Variants in ZNF496 observed in about 807,000 individuals in gnomAD.
ZNF496 encodes the protein zinc finger protein 496, also known as NSD1 (nuclear receptor binding SET-domain containing 1)-interacting zinc finger protein 1.
ZNF496 carries 11 observed loss-of-function variants against 58.9 expected under a neutral mutation model. The ratio of observed to expected loss-of-function variants is 0.19; its 90% CI spans 0.12 to 0.31. The LOEUF (loss-of-function observed/expected upper bound fraction) is 0.31, where lower values mean the gene tolerates loss of function less well. Ranked by LOEUF, ZNF496 falls within the 10% of genes least tolerant of loss-of-function variation. The pLI, the probability that ZNF496 is intolerant of heterozygous loss-of-function variation, is 1.00. For missense variants in ZNF496, 660 were observed against 783.0 expected, an observed-to-expected ratio of 0.84 and a Z score of 1.88; for synonymous variants, 338 against 318.2, an observed-to-expected ratio of 1.06 and a Z score of -0.66.
At chr1:247,307,705 G>T in intron 9 of ZNF496, 7 of 985,400 alleles carry the variant, frequency 7.1e-6, no homozygotes, top group Non-Finnish European at 8.4e-6. Flanking sequence ...CATAAATCTT[G>T]CCTTCAAAAG....
chr1:247,322,628 G>A (rs1659997203), intron 6 of ZNF496: 1 of 1,012,756 alleles, frequency 9.9e-7, no homozygotes, highest in African/African-American at 1.7e-5. Context: ...ACTCCTCAGA[G>A]CACCCGAGTA....
chr1:247,326,024 A>C (rs901701193), intron 5 of ZNF496, among the ~76,000 whole-genome samples: 34 of 144,726 alleles, frequency 2.3e-4, no homozygotes, highest in Non-Finnish European at 2.5e-4. Context: ...ATGTATATAT[A>C]TATATACACA....
At chr1:247,327,556 C>T (rs544231121) in intron 5 of ZNF496, among the ~76,000 whole-genome samples, 11 of 152,312 alleles carry the variant, frequency 7.2e-5, no homozygotes, top group Admixed American at 4.6e-4. Flanking sequence ...TTTGTTATGG[C>T]AGCCAACAAC....
intron 2 of ZNF496, among the ~76,000 whole-genome samples, chr1:247,331,059 C>G (rs575124382): frequency 2.3e-4 from 35 of 152,312 alleles, no homozygotes; most frequent in Non-Finnish European, 4.6e-4. Flanking sequence ...GCTCGGCGGC[C>G]CCCTGCGGCG....
intron 5 of ZNF496, among the ~76,000 whole-genome samples, chr1:247,324,065 GCT>G (rs1156301228): frequency 7.1e-6 from 1 of 139,986 alleles, no homozygotes; most frequent in Non-Finnish European, 1.5e-5. Context: ...ACAGAACATG[GCT>G]CTGTCTCAAA....
Position 247,300,382 on chromosome 1 carries a change from C to A in ZNF496, c.*137G>T, listed in dbSNP as rs547267357. 3.2e-6 allele frequency: 3 copies of A among 946,444 alleles called. No homozygotes were observed. In the South Asian group the frequency reaches 6.7e-5, roughly 21 times the overall value. 58.6% of individuals were successfully genotyped at this position (946,444 alleles called of 1,614,324 possible). ...GTGCTCCCATGGCACCACCCGAACGCTCACTACCTGAGAGCAAGGACAGGA... is the reference window on the plus strand; with the variant it reads ...GTGCTCCCATGGCACCACCCGAACGATCACTACCTGAGAGCAAGGACAGGA... On this transcript the variant is annotated 3_prime_UTR_variant, in exon 10 of 10. Transcript: ENST00000682384. This position sits in a 1 kb window ranked among gnomAD's most constrained non-coding sequence, Gnocchi z 5.7.
chr1:247,319,252 T>C (rs1279520981), intron 6 of ZNF496, among the ~76,000 whole-genome samples: 1 of 152,224 alleles, frequency 6.6e-6, no homozygotes, highest in East Asian at 1.9e-4. Context: ...CCTCTCAAAG[T>C]GCTGGGATTA....
intron 9 of ZNF496, among the ~76,000 whole-genome samples, chr1:247,302,474 T>TG (rs60422938): frequency 0.56 from 84,003 of 150,550 alleles, 23,782 homozygotes; most frequent in Middle Eastern, 0.79. Flanking sequence ...GAGATTGTGT[T>TG]TGTGTGTGTG....
Position 247,314,030 on chromosome 1 carries a change from T to C in ZNF496, c.652-3574A>G, listed in dbSNP as rs113454012. ...AACTTTGAATCATGGACCATGGGAA[T>C]GTGTCAAAAACCTGATTTTAATTTC... On this transcript the variant is annotated intron_variant, in intron 6 of 9. Transcript: ENST00000682384. 1.2e-3 allele frequency among the ~76,000 whole-genome samples: 178 copies of C among 152,260 alleles called. No individual in the cohort carries two copies. The Middle Eastern group carries it at 0.017, about 15-fold the overall frequency.
Position 247,329,493 on chromosome 1 carries a change from G to A in ZNF496, c.86C>T (p.Pro29Leu), listed in dbSNP as rs779430222. 3 of 1,603,064 alleles carry A rather than the reference G, an allele frequency of 1.9e-6. No homozygotes were observed. In the South Asian group the frequency reaches 3.3e-5, roughly 18 times the overall value. Residue 29 changes from proline (P) to leucine (L), a missense_variant, in exon 4 of 10, where the codon CCT becomes CTT. Coordinates refer to ENST00000682384, the MANE Select transcript of ZNF496 (RefSeq NM_032752.3). This position sits in a 1 kb window ranked among gnomAD's most constrained non-coding sequence, Gnocchi z 5.5. The stretch of plus-strand genomic sequence containing the variant: ...GCTGGGAAGCTCCCCCTGGGGGCTA[G>A]GGTTCTCTCCAGGTGGGCTCCTCAT... The part of the protein sequence containing the change: ...RKMRSPPGEN[P>L]SPQGELPSPE...
At chr1:247,306,247 G>A (rs1659403584) in intron 9 of ZNF496, among the ~76,000 whole-genome samples, 1 of 151,862 alleles carries the variant, frequency 6.6e-6, no homozygotes, top group Non-Finnish European at 1.5e-5. Context: ...CCAGGCTGGA[G>A]CGCAGTGGCG....
At chr1:247,307,609 T>C (rs1445157719) in intron 9 of ZNF496, 1 of 985,310 alleles carries the variant, frequency 1.0e-6, no homozygotes, top group Non-Finnish European at 1.2e-6. Flanking sequence ...GATCTCATCC[T>C]TTCAGATCTC....
chr1:247,314,873 A>T (rs913643369), intron 6 of ZNF496, among the ~76,000 whole-genome samples: 1 of 152,078 alleles, frequency 6.6e-6, no homozygotes, highest in African/African-American at 2.4e-5. Flanking sequence ...CAGCCCCCTA[A>T]GTAGCTGGGA....
chr1:247,303,535 G>T (rs1371434149), intron 9 of ZNF496, among the ~76,000 whole-genome samples: 1 of 152,120 alleles, frequency 6.6e-6, no homozygotes, highest in Non-Finnish European at 1.5e-5. Context: ...GTAGAAATAC[G>T]GACGTTATAG....
At chr1:247,316,499 C>T (rs1014841777) in intron 6 of ZNF496, among the ~76,000 whole-genome samples, 5 of 151,956 alleles carry the variant, frequency 3.3e-5, no homozygotes, top group Non-Finnish European at 5.9e-5. Context: ...CCGGAGCAAG[C>T]GCGTCAGGAC....
chr1:247,309,679 G>C lies in ZNF496; in HGVS notation c.892+20C>G. The C allele has an allele frequency of 3.1e-6, 5 of 1,613,982 alleles. No homozygotes were observed. In the African/African-American group the frequency reaches 4.0e-5, roughly 13 times the overall value. ...CCCTTCCCCCTACTCTGTCCACTCA[G>C]TTCTGGAATCATTACTCACCCAAGT... On this transcript the variant is annotated intron_variant, in intron 8 of 9. Coordinates refer to ENST00000682384, the MANE Select transcript of ZNF496 (RefSeq NM_032752.3). The surrounding 1 kb of genome is among the most constrained non-coding windows in gnomAD (Gnocchi z 4.3).
chr1:247,309,331 C>T lies in ZNF496; in HGVS notation c.892+368G>A, dbSNP rs1394708253. The T allele has an allele frequency of 7.8e-6, 8 of 1,028,116 alleles. No homozygotes were observed. The highest frequency in any genetic ancestry group is 4.5e-4 in the Middle Eastern group (1 of 2,212). 63.7% of individuals were successfully genotyped at this position (1,028,116 alleles called of 1,614,324 possible). On this transcript the variant is annotated intron_variant, in intron 8 of 9. Transcript: ENST00000682384. This position sits in a 1 kb window ranked among gnomAD's most constrained non-coding sequence, Gnocchi z 4.3. ...GTGAGGCACCTCAAAGGGCTGCGCTCGGTGCCCAGTTAGGAGACACTCCCT... is the reference window on the plus strand; with the variant it reads ...GTGAGGCACCTCAAAGGGCTGCGCTTGGTGCCCAGTTAGGAGACACTCCCT...
chr1:247,331,136 G>A (rs1558160772), intron 2 of ZNF496, among the ~76,000 whole-genome samples: 1 of 152,192 alleles, frequency 6.6e-6, no homozygotes, highest in African/African-American at 2.4e-5. Context: ...CGCCCACCCG[G>A]GCTGCCACTC....
At chr1:247,322,159 T>C (rs1204302344) in intron 6 of ZNF496, among the ~76,000 whole-genome samples, 1 of 152,152 alleles carries the variant, frequency 6.6e-6, no homozygotes, top group African/African-American at 2.4e-5. Context: ...GGCATGCACC[T>C]GTAGTCCCAG....
Sources: allele counts gnomAD v4.1 joint callset (sites outside exome capture counted in the v4.1 genomes callset), GRCh38; gene constraint gnomAD v4.1.1; non-coding constraint Gnocchi (gnomAD v3.1); transcripts MANE v1.5; gene names NCBI Gene and HGNC (gene_info 2026-07-23, HGNC 2026-07-21).